BICC1: variants seen among roughly 807,000 people sequenced by gnomAD.
BICC1 encodes BicC family RNA binding protein 1.
In BICC1, 43 loss-of-function variants were observed where a neutral mutation model predicts 111.0. That is an observed-to-expected ratio of 0.39 (90% CI 0.30 to 0.50). BICC1 has a LOEUF of 0.50. Among genes scored for constraint, BICC1 ranks in the 20% least tolerant of loss-of-function variants. The probability of loss-of-function intolerance (pLI) is 0.88; values close to 1 mark genes in which losing one functional copy is unlikely to be tolerated. For missense variants in BICC1, 1,091 were observed against 1,203.2 expected, an observed-to-expected ratio of 0.91 and a Z score of 1.38; for synonymous variants, 467 against 434.4, an observed-to-expected ratio of 1.07 and a Z score of -0.93.
intron 1 of BICC1, among the ~76,000 whole-genome samples, chr10:58,530,471 C>G (rs1327853309): frequency 6.6e-6 from 1 of 151,708 alleles, no homozygotes; most frequent in Non-Finnish European, 1.5e-5. Context: ...TGTGTTAATA[C>G]ACTTAAGACT....
At chr10:58,644,639 A>G (rs865790193) in intron 2 of BICC1, among the ~76,000 whole-genome samples, 3 of 152,206 alleles carry the variant, frequency 2.0e-5, no homozygotes, top group African/African-American at 4.8e-5. Flanking sequence ...CTAGATAAGG[A>G]TAAGTATTTT....
intron 2 of BICC1, among the ~76,000 whole-genome samples, chr10:58,621,947 AATAGAAT>A (rs1845827169): frequency 5.2e-5 from 7 of 135,082 alleles, no homozygotes; most frequent in South Asian, 2.6e-4. Flanking sequence ...AATAGAATAG[AATAGAAT>A]AGAATAGAAT....
chr10:58,594,199 A>G (rs1391941376), intron 1 of BICC1, among the ~76,000 whole-genome samples: 1 of 152,054 alleles, frequency 6.6e-6, no homozygotes, highest in African/African-American at 2.4e-5. Context: ...AGGAATGAAC[A>G]AATCCTCCAG....
At chr10:58,554,940 T>A (rs1342757245) in intron 1 of BICC1, among the ~76,000 whole-genome samples, 1 of 151,880 alleles carries the variant, frequency 6.6e-6, no homozygotes, top group Non-Finnish European at 1.5e-5. Context: ...TTTGTTTCTC[T>A]TTTGGCTCTG....
chr10:58,664,027 G>GCA (rs1838929677), intron 2 of BICC1, among the ~76,000 whole-genome samples: 1 of 152,096 alleles, frequency 6.6e-6, no homozygotes, highest in African/African-American at 2.4e-5. Flanking sequence ...GCTGTAAAAT[G>GCA]CACATAGAGG....
intron 3 of BICC1, among the ~76,000 whole-genome samples, chr10:58,728,284 A>G (rs1841176209): frequency 6.6e-6 from 1 of 152,222 alleles, no homozygotes; most frequent in Non-Finnish European, 1.5e-5. Context: ...AAGTTTATAT[A>G]GTATTATACA....
chr10:58,717,333 G>A (rs1382665855), intron 3 of BICC1, among the ~76,000 whole-genome samples: 1 of 139,986 alleles, frequency 7.1e-6, no homozygotes, highest in Non-Finnish European at 1.5e-5. Context: ...AAGATATTTA[G>A]CATGTAAAAA....
intron 1 of BICC1, among the ~76,000 whole-genome samples, chr10:58,594,612 A>G (rs1844750673): frequency 1.3e-5 from 2 of 152,330 alleles, no homozygotes; most frequent in South Asian, 4.1e-4. Flanking sequence ...AAAATTTCAT[A>G]TCCAGCCAAA....
rs368584908 is a variant in BICC1 at position 58,695,224 on chromosome 10, A to G, written c.238-6850A>G. Among the ~76,000 whole-genome samples the G allele has an allele frequency of 3.8e-4, 58 of 152,254 alleles. 1 individual carries two copies. In the East Asian group the frequency reaches 8.1e-3, roughly 21 times the overall value. ...ATGTCTCAGCAAAATAAACATCCTC[A>G]GCTTTTAGACGCCGCCTCGAGTGAG... On this transcript the variant is annotated intron_variant, in intron 2 of 20. Transcript: ENST00000373886.
At chr10:58,825,380 C>T (rs956938992) in intron 20 of BICC1, among the ~76,000 whole-genome samples, 2 of 151,988 alleles carry the variant, frequency 1.3e-5, no homozygotes, top group East Asian at 1.9e-4. Flanking sequence ...AACTGCATAG[C>T]CTGGGAATAT....
At chr10:58,707,135 A>G (rs1166241803) in intron 3 of BICC1, among the ~76,000 whole-genome samples, 17 of 152,248 alleles carry the variant, frequency 1.1e-4, no homozygotes, top group Admixed American at 1.1e-3. Flanking sequence ...CCCAGAATCA[A>G]CAAAAGAATC....
chr10:58,766,487 A>G (rs1842459365), intron 3 of BICC1, among the ~76,000 whole-genome samples: 1 of 152,182 alleles, frequency 6.6e-6, no homozygotes, highest in African/African-American at 2.4e-5. Context: ...AATTTGGATA[A>G]TCTCCTGAAC....
At chr10:58,627,742 A>T (rs907669399) in intron 2 of BICC1, among the ~76,000 whole-genome samples, 1 of 152,166 alleles carries the variant, frequency 6.6e-6, no homozygotes, top group African/African-American at 2.4e-5. Context: ...AATTGTTTTT[A>T]TATCTTAGCG....
chr10:58,541,378 C>T (rs1842976565), intron 1 of BICC1, among the ~76,000 whole-genome samples: 1 of 152,042 alleles, frequency 6.6e-6, no homozygotes, highest in Non-Finnish European at 1.5e-5. Flanking sequence ...AAAATCAACA[C>T]ACAAAAGTCA....
intron 14 of BICC1, 97 bp from the exon 15 acceptor site, chr10:58,802,980 A>C: frequency 8.4e-7 from 1 of 1,191,934 alleles, no homozygotes; most frequent in Non-Finnish European, 1.1e-6. Flanking sequence ...TAAATAGCTG[A>C]TGATGATAAA....
intron 17 of BICC1, among the ~76,000 whole-genome samples, chr10:58,810,759 C>A (rs1312908814): frequency 1.3e-5 from 2 of 152,116 alleles, no homozygotes; most frequent in Non-Finnish European, 2.9e-5. Context: ...ATGCTTATGG[C>A]ACTAATATTT....
chr10:58,521,768 G>GGTTTTTTTTT, intron 1 of BICC1, among the ~76,000 whole-genome samples: 1 of 112,810 alleles, frequency 8.9e-6, no homozygotes, highest in Non-Finnish European at 1.9e-5. Flanking sequence ...GGAATGTGGT[G>GGTTTTTTTTT]TTTTTTTTTT....
intron 1 of BICC1, among the ~76,000 whole-genome samples, chr10:58,590,711 C>G (rs1329750590): frequency 6.6e-6 from 1 of 152,184 alleles, no homozygotes; most frequent in Admixed American, 6.5e-5. Flanking sequence ...CCAAGTTTCT[C>G]TAGTGAAAGT....
intron 20 of BICC1, among the ~76,000 whole-genome samples, chr10:58,822,317 G>C (rs554589080): frequency 6.6e-6 from 1 of 152,130 alleles, no homozygotes; most frequent in Non-Finnish European, 1.5e-5. Flanking sequence ...TCTGAATTCT[G>C]TAAAGATTTT....
Sources: gnomAD v4.1 joint callset for allele counts (sites outside exome capture counted in the v4.1 genomes callset) on GRCh38, gnomAD v4.1.1 for gene constraint, MANE v1.5 for transcripts, NCBI Gene and HGNC (gene_info 2026-07-23, HGNC 2026-07-21) for gene names.